Variants in ROBO2 observed in about 807,000 individuals in gnomAD.
The protein encoded by ROBO2 is roundabout guidance receptor 2.
ROBO2 carries 53 observed loss-of-function variants against 160.8 expected under a neutral mutation model. The ratio of observed to expected loss-of-function variants is 0.33; its 90% confidence interval spans 0.26 to 0.41. ROBO2 has a LOEUF of 0.41. ROBO2 is among the 10% of genes least tolerant of loss of function. The pLI is 1.00. For synonymous variants in ROBO2, 664 were observed against 611.7 expected, an observed-to-expected ratio of 1.09 and a Z score of -1.26; for missense variants, 1,577 against 1,722.4, an observed-to-expected ratio of 0.92 and a Z score of 1.49.
chr3:76,928,968 C>A (rs1184344773), intron 2 of ROBO2, among the ~76,000 whole-genome samples: 8 of 152,102 alleles, frequency 5.3e-5, no homozygotes, highest in Non-Finnish European at 1.0e-4. Flanking sequence ...ATAGAAAACA[C>A]CCCAACCTGG....
intron 2 of ROBO2, among the ~76,000 whole-genome samples, chr3:76,620,511 T>C (rs1455046091): frequency 6.6e-6 from 1 of 152,176 alleles, no homozygotes; most frequent in Non-Finnish European, 1.5e-5. Context: ...TGAGAATATT[T>C]TAGCTCCTAA....
At chr3:76,856,023 C>A (rs956481418) in intron 2 of ROBO2, among the ~76,000 whole-genome samples, 4 of 152,192 alleles carry the variant, frequency 2.6e-5, no homozygotes, top group African/African-American at 9.7e-5. Flanking sequence ...GTGCTGGTAT[C>A]CCCTGTTGGA....
At chr3:76,202,378 G>A (rs771753884) in intron 2 of ROBO2, among the ~76,000 whole-genome samples, 2 of 152,176 alleles carry the variant, frequency 1.3e-5, no homozygotes, top group South Asian at 2.1e-4. Context: ...TGTAGGAAAC[G>A]CGGATTGATG....
At chr3:76,410,411 G>A (rs1317005437) in intron 2 of ROBO2, among the ~76,000 whole-genome samples, 1 of 152,062 alleles carries the variant, frequency 6.6e-6, no homozygotes, top group Admixed American at 6.6e-5. Context: ...CCTCATAGAT[G>A]AAATGGATAA....
At chr3:76,903,312 C>A (rs1231682794) in intron 2 of ROBO2, among the ~76,000 whole-genome samples, 2 of 152,006 alleles carry the variant, frequency 1.3e-5, no homozygotes, top group East Asian at 3.9e-4. Flanking sequence ...AGAGGTTTTT[C>A]TTCTGCCTAT....
chr3:76,347,735 G>C (rs144185424), intron 2 of ROBO2, among the ~76,000 whole-genome samples: 1 of 151,852 alleles, frequency 6.6e-6, no homozygotes, highest in Non-Finnish European at 1.5e-5. Context: ...GCACAAAAAG[G>C]CAACAGAGAA....
chr3:76,281,558 C>T (rs1016773299), intron 2 of ROBO2, among the ~76,000 whole-genome samples: 2 of 151,742 alleles, frequency 1.3e-5, no homozygotes, highest in Non-Finnish European at 2.9e-5. Context: ...GGGTAAGGTA[C>T]TTAGTATGCT....
At chr3:76,821,732 T>A (rs1375133671) in intron 2 of ROBO2, among the ~76,000 whole-genome samples, 3 of 152,032 alleles carry the variant, frequency 2.0e-5, no homozygotes, top group African/African-American at 7.2e-5. Flanking sequence ...AGAATTATCA[T>A]AAAATATCAG....
At chr3:76,906,796 A>G (rs956788291) in intron 2 of ROBO2, among the ~76,000 whole-genome samples, 5 of 152,192 alleles carry the variant, frequency 3.3e-5, no homozygotes, top group Middle Eastern at 3.4e-3. Context: ...CTTTTCTCCA[A>G]TATGTTATAG....
chr3:76,285,295 T>C (rs1708453156), intron 2 of ROBO2, among the ~76,000 whole-genome samples: 1 of 152,110 alleles, frequency 6.6e-6, no homozygotes, highest in Non-Finnish European at 1.5e-5. Context: ...AGTTATTTTA[T>C]TGCAAACAAC....
At chr3:77,421,730 T>C (rs2077731282) in intron 2 of ROBO2, among the ~76,000 whole-genome samples, 1 of 151,974 alleles carries the variant, frequency 6.6e-6, no homozygotes, top group South Asian at 2.1e-4. Context: ...AAAGGGAAAA[T>C]GATAAGCAGA....
chr3:76,576,369 T>A (rs1203056116), intron 2 of ROBO2, among the ~76,000 whole-genome samples: 2 of 152,082 alleles, frequency 1.3e-5, no homozygotes, highest in African/African-American at 4.8e-5. Context: ...GATTGATGGA[T>A]GATATGATAC....
chr3:76,679,977 G>A (rs1444015021), intron 2 of ROBO2, among the ~76,000 whole-genome samples: 2 of 152,150 alleles, frequency 1.3e-5, no homozygotes, highest in Admixed American at 1.3e-4. Flanking sequence ...GGTGCTCTGA[G>A]TGTAGTTAAG....
intron 1 of ROBO2, among the ~76,000 whole-genome samples, chr3:75,910,369 A>C (rs1946521792): frequency 6.6e-6 from 1 of 152,256 alleles, no homozygotes; most frequent in Non-Finnish European, 1.5e-5. Flanking sequence ...CTATGAGGTC[A>C]TGCTTTCTTG....
chr3:76,574,424 A>G (rs2085156782), intron 2 of ROBO2, among the ~76,000 whole-genome samples: 1 of 152,144 alleles, frequency 6.6e-6, no homozygotes, highest in Non-Finnish European at 1.5e-5. Context: ...TGAATCACAT[A>G]AAAACTTTCA....
At chr3:77,409,188 T>C (rs2076505597) in intron 2 of ROBO2, among the ~76,000 whole-genome samples, 2 of 151,400 alleles carry the variant, frequency 1.3e-5, no homozygotes. Flanking sequence ...AGAACAATTA[T>C]ATTGCAACAA....
chr3:77,192,392 A>G (rs747402209), intron 2 of ROBO2, among the ~76,000 whole-genome samples: 1 of 152,140 alleles, frequency 6.6e-6, no homozygotes, highest in African/African-American at 2.4e-5. Context: ...TTTTTTATAC[A>G]TATTTCTTAG....
chr3:76,761,615 G>A (rs757453951), intron 2 of ROBO2, among the ~76,000 whole-genome samples: 1 of 151,474 alleles, frequency 6.6e-6, no homozygotes, highest in African/African-American at 2.4e-5. Flanking sequence ...TAGACTTTTG[G>A]TGTTATGTCT....
intron 2 of ROBO2, among the ~76,000 whole-genome samples, chr3:76,939,595 AT>A (rs910075193): frequency 6.6e-5 from 10 of 152,116 alleles, no homozygotes; most frequent in Non-Finnish European, 1.0e-4. Context: ...CCTGGACAAC[AT>A]GGTGAAACCT....
Sources: allele counts gnomAD v4.1 joint callset (sites outside exome capture counted in the v4.1 genomes callset), GRCh38; gene constraint gnomAD v4.1.1; transcripts MANE v1.5; gene names NCBI Gene and HGNC (gene_info 2026-07-23, HGNC 2026-07-21).